The following PAQR3 variants were observed in gnomAD, a reference collection of about 807,000 sequenced individuals.
The protein encoded by PAQR3 is Raf kinase trapping to Golgi.
Under a neutral mutation model 41.7 loss-of-function variants are expected in PAQR3, and 39 were observed. That is an observed-to-expected ratio of 0.93 (90% CI 0.72 to 1.22). The LOEUF is 1.22. PAQR3 is among the 50% of genes most tolerant of loss of function. PAQR3 has a pLI of 0.00. For synonymous variants in PAQR3, 140 were observed against 140.6 expected, an observed-to-expected ratio of 1.00 and a Z score of 0.03; for missense variants, 366 against 385.6, an observed-to-expected ratio of 0.95 and a Z score of 0.42.
intron 3 of PAQR3, among the ~76,000 whole-genome samples, chr4:78,927,029 C>T (rs904368932): frequency 6.6e-6 from 1 of 152,142 alleles, no homozygotes; most frequent in Non-Finnish European, 1.5e-5. Flanking sequence ...CATGGACTCT[C>T]CCAGCAGTCA....
intron 3 of PAQR3, among the ~76,000 whole-genome samples, chr4:78,927,841 C>T (rs570946394): frequency 2.0e-5 from 3 of 152,224 alleles, no homozygotes; most frequent in African/African-American, 4.8e-5. Context: ...GGGCTATTAA[C>T]TTTCTGAAAT....
chr4:78,901,227 ATTAT>A (rs1560554284), intron 11 of PAQR3, among the ~76,000 whole-genome samples: 2 of 148,386 alleles, frequency 1.3e-5, no homozygotes, highest in African/African-American at 5.1e-5. Context: ...ATTTTATTTT[ATTAT>A]TTTTTTTTTT....
intron 2 of PAQR3, among the ~76,000 whole-genome samples, chr4:78,933,854 AAAG>A (rs1213506573): frequency 6.6e-6 from 1 of 152,234 alleles, no homozygotes; most frequent in African/African-American, 2.4e-5. Flanking sequence ...GTGAAGGCAT[AAAG>A]AATAGGCCTA....
intron 2 of PAQR3, among the ~76,000 whole-genome samples, chr4:78,934,584 C>G (rs1045994760): frequency 5.9e-5 from 9 of 152,024 alleles, no homozygotes; most frequent in Non-Finnish European, 1.2e-4. Context: ...AATGCCAGTG[C>G]TATGGAACTA....
At chr4:78,922,240 G>A (rs1735725820) in intron 5 of PAQR3, 40 of 1,212,544 alleles carry the variant, frequency 3.3e-5, no homozygotes, top group South Asian at 4.5e-5. Context: ...TGTTTACAAC[G>A]CAGGTTTTCC....
Position 78,918,049 on chromosome 4 carries a change from A to G in PAQR3, c.*2490T>C. 2 of 980,372 alleles carry G rather than the reference A, an allele frequency of 2.0e-6. No individual in the cohort carries two copies. Among genetic ancestry groups the G allele is most frequent in the Non-Finnish European group, 2.4e-6 (2 of 825,022 alleles). The allele number at this position is 980,372 out of a possible 1,614,324, so 60.7% of individuals were successfully genotyped here. A position where few individuals can be genotyped will look rare whatever the true frequency, so the allele number is the denominator to read the frequency against. On this transcript the variant is annotated 3_prime_UTR_variant, in exon 6 of 6. Coordinates refer to ENST00000512733, the MANE Select transcript of PAQR3 (RefSeq NM_001040202.2). ...ACAAGCACTGTCTTGCTATTTGAAA[A>G]TGGCTTAATATAGAAAGATAATTGT...
chr4:78,937,665 T>C (rs1737573879), intron 1 of PAQR3, among the ~76,000 whole-genome samples: 1 of 152,184 alleles, frequency 6.6e-6, no homozygotes, highest in Admixed American at 6.5e-5. Flanking sequence ...CATTTTTATA[T>C]GTGGGTATAA....
chr4:78,927,564 T>G (rs761775292), intron 3 of PAQR3, among the ~76,000 whole-genome samples: 2 of 152,218 alleles, frequency 1.3e-5, no homozygotes, highest in Non-Finnish European at 2.9e-5. Flanking sequence ...ACTGGCTGTG[T>G]GAGAGGGCAG....
In PAQR3 at chr4:78,917,324, C is replaced by G. The variant is rs890218816; in HGVS notation, c.*3215G>C. The stretch of plus-strand genomic sequence containing the variant: ...TGCAGGTTAGGTAGTATTTTGATCT[C>G]AGATTTTATAGAGCAGGACTAGAAC... On this transcript the variant is annotated 3_prime_UTR_variant, in exon 6 of 6. Transcript: ENST00000512733. The G allele has an allele frequency of 2.0e-5, 3 of 151,870 alleles. No individual in the cohort carries two copies. The highest frequency in any genetic ancestry group is 4.4e-5 in the Non-Finnish European group (3 of 67,880). The allele number at this position is 151,870 out of a possible 1,614,324, so 9.4% of individuals were successfully genotyped here. A position where few individuals can be genotyped will look rare whatever the true frequency, so the allele number is the denominator to read the frequency against.
chr4:78,926,529 T>G lies in PAQR3; in HGVS notation c.694A>C (p.Ile232Leu). Residue 232 changes from isoleucine (I) to leucine (L), a missense_variant, in exon 4 of 6, where the codon ATT becomes CTT. By Grantham distance (5) the Ile-to-Leu change is conservative. Coordinates refer to ENST00000512733, the MANE Select transcript of PAQR3 (RefSeq NM_001040202.2). ...VWLNGGIGAP[I>L]VQDFAPRVIV... is the part of the protein sequence containing the mutation. ...AACTACACTCAACCTACCTGTACAATAGGAGCACCAATTCCTCCATTGAGC... is the reference window on the plus strand; with the variant it reads ...AACTACACTCAACCTACCTGTACAAGAGGAGCACCAATTCCTCCATTGAGC... 6.2e-7 allele frequency: 1 copy of G among 1,607,586 alleles called. No individual in the cohort carries two copies. Among genetic ancestry groups the G allele is most frequent in the Non-Finnish European group, 8.5e-7 (1 of 1,175,566 alleles).
chr4:78,923,755 A>G (rs1735899602), intron 5 of PAQR3, 102 bp downstream of exon 5: 1 of 775,544 alleles, frequency 1.3e-6, no homozygotes, highest in Non-Finnish European at 2.2e-6. Context: ...TTCCATAATC[A>G]ATAATATTAA....
chr4:78,887,722 A>G (rs1308811875), intron 12 of PAQR3, among the ~76,000 whole-genome samples: 1 of 152,160 alleles, frequency 6.6e-6, no homozygotes, highest in African/African-American at 2.4e-5. Context: ...ATTTCAATTC[A>G]GAATTCAAAT....
chr4:78,889,545 T>C (rs1733312590), intron 11 of PAQR3, among the ~76,000 whole-genome samples: 1 of 152,212 alleles, frequency 6.6e-6, no homozygotes, highest in Non-Finnish European at 1.5e-5. Flanking sequence ...TTGGGGACAT[T>C]CATTTTTCTT....
At chr4:78,936,100 GCTTCAGTTT>G (rs1737403076) in intron 1 of PAQR3, among the ~76,000 whole-genome samples, 1 of 152,122 alleles carries the variant, frequency 6.6e-6, no homozygotes, top group Non-Finnish European at 1.5e-5. Flanking sequence ...ACCTCTCCCG[GCTTCAGTTT>G]CTTCATCTAT....
intron 11 of PAQR3, among the ~76,000 whole-genome samples, chr4:78,900,607 C>T (rs138396671): frequency 4.3e-3 from 658 of 152,282 alleles, no homozygotes; most frequent in Non-Finnish European, 6.9e-3. Context: ...GTCAGCTGGC[C>T]TACCTTACTT....
intron 2 of PAQR3, among the ~76,000 whole-genome samples, chr4:78,931,202 AAAAAAAAAAAT>A (rs1282807915): frequency 6.7e-6 from 1 of 150,228 alleles, no homozygotes; most frequent in Non-Finnish European, 1.5e-5. Context: ...AAAAAAAAAA[AAAAAAAAAAAT>A]TGGGCATGGC....
At chr4:78,911,018 C>G, downstream of PAQR3, 4 of 1,613,738 alleles carry the variant, frequency 2.5e-6, no homozygotes, top group South Asian at 1.1e-5. Context: ...AGAGACAGAT[C>G]TGGCAGTGGA....
At chr4:78,922,338 G>C in intron 5 of PAQR3, 1 of 1,288,452 alleles carries the variant, frequency 7.8e-7, no homozygotes. Flanking sequence ...GGATTGTTTA[G>C]GCCAGGGTTT....
chr4:78,912,170 A>G lies in PAQR3; in HGVS notation c.*8369T>C, dbSNP rs1162199949. 5.1e-6 allele frequency: 4 copies of G among 786,040 alleles called. No individual in the cohort carries two copies. Among genetic ancestry groups the G allele is most frequent in the Non-Finnish European group, 8.2e-6 (4 of 487,968 alleles). 48.7% of individuals were successfully genotyped at this position (786,040 alleles called of 1,614,324 possible). On this transcript the variant is annotated 3_prime_UTR_variant, in exon 6 of 6. Transcript: ENST00000512733. ...GTCAGAATAGGTGATTTCTAAATAA[A>G]CCAAATAGAAGAATGAAGTATCTCT...
Sources: gnomAD v4.1 joint callset for allele counts (sites outside exome capture counted in the v4.1 genomes callset) on GRCh38, gnomAD v4.1.1 for gene constraint, MANE v1.5 for transcripts, NCBI Gene and HGNC (gene_info 2026-07-23, HGNC 2026-07-21) for gene names.